Variants in TYR observed in about 807,000 individuals in gnomAD.
TYR encodes the protein tyrosinase.
A neutral mutation model predicts 51.5 loss-of-function variants in TYR; 58 were observed. The ratio of observed to expected loss-of-function variants is 1.13; its 90% CI spans 0.91 to 1.40. The LOEUF (loss-of-function observed/expected upper bound fraction) is 1.40. Among genes scored for constraint, TYR ranks in the 40% most tolerant of loss-of-function variants. The pLI, the probability that TYR is intolerant of heterozygous loss-of-function variation, is 0.00. For missense variants in TYR, 732 were observed against 647.4 expected, an observed-to-expected ratio of 1.13 and a Z score of -1.42; for synonymous variants, 263 against 235.2, an observed-to-expected ratio of 1.12 and a Z score of -1.08.
intron 2 of TYR, among the ~76,000 whole-genome samples, chr11:89,208,529 T>A: frequency 6.6e-6 from 1 of 152,312 alleles, no homozygotes; most frequent in Non-Finnish European, 1.5e-5. Flanking sequence ...ATATATATTT[T>A]ATTCTAAATT....
chr11:89,191,685 A>G (rs1043487920), intron 2 of TYR, among the ~76,000 whole-genome samples: 11 of 152,248 alleles, frequency 7.2e-5, no homozygotes, highest in Admixed American at 4.6e-4. Context: ...ACTTGAACTC[A>G]GAAGTTTCAG....
intron 3 of TYR, among the ~76,000 whole-genome samples, chr11:89,283,021 G>A (rs1944737322): frequency 6.6e-6 from 1 of 151,768 alleles, no homozygotes; most frequent in Non-Finnish European, 1.5e-5. Context: ...GTAGAATAAA[G>A]AAGATCAAAC....
chr11:89,257,022 T>TG (rs1359990250), intron 3 of TYR, among the ~76,000 whole-genome samples: 1 of 151,928 alleles, frequency 6.6e-6, no homozygotes, highest in Non-Finnish European at 1.5e-5. Flanking sequence ...TGCTGATTCT[T>TG]GGTGTGCTGA....
chr11:89,216,647 C>CAAAAAA (rs11411684), intron 2 of TYR, among the ~76,000 whole-genome samples: 820 of 80,744 alleles, frequency 0.01, 22 homozygotes, highest in African/African-American at 0.035. Flanking sequence ...TTTTCCATCT[C>CAAAAAA]AAAAAAAAAA....
chr11:89,208,711 T>C (rs1045009405), intron 2 of TYR, among the ~76,000 whole-genome samples: 17 of 152,198 alleles, frequency 1.1e-4, no homozygotes, highest in Admixed American at 9.8e-4. Context: ...CACTAACATA[T>C]ACCCAAATCC....
At chr11:89,272,740 G>C (rs1271230407) in intron 3 of TYR, among the ~76,000 whole-genome samples, 1 of 151,880 alleles carries the variant, frequency 6.6e-6, no homozygotes, top group African/African-American at 2.4e-5. Context: ...TTAGTGTAAT[G>C]GCTTTCATCT....
chr11:89,229,245 G>A (rs1200472541), intron 3 of TYR, among the ~76,000 whole-genome samples: 1 of 151,974 alleles, frequency 6.6e-6, no homozygotes, highest in Non-Finnish European at 1.5e-5. Flanking sequence ...TTAAGTAACA[G>A]TCTGTGTTAA....
intron 3 of TYR, among the ~76,000 whole-genome samples, chr11:89,229,583 A>G (rs527562899): frequency 9.9e-5 from 15 of 152,104 alleles, no homozygotes; most frequent in African/African-American, 2.7e-4. Flanking sequence ...AAGAAAAACT[A>G]TCAAAATATG....
At chr11:89,286,608 G>A (rs1944790497) in intron 4 of TYR, among the ~76,000 whole-genome samples, 1 of 151,766 alleles carries the variant, frequency 6.6e-6, no homozygotes, top group East Asian at 1.9e-4. Flanking sequence ...AGAGGCTATA[G>A]GTCATCAACC....
At chr11:89,241,938 T>A (rs1229571653) in intron 3 of TYR, among the ~76,000 whole-genome samples, 1 of 150,894 alleles carries the variant, frequency 6.6e-6, no homozygotes, top group African/African-American at 2.4e-5. Context: ...AAAAAATAAT[T>A]CACTTTTCTT....
At chr11:89,249,096 G>C (rs1321808374) in intron 3 of TYR, among the ~76,000 whole-genome samples, 1 of 151,958 alleles carries the variant, frequency 6.6e-6, no homozygotes, top group Admixed American at 6.6e-5. Flanking sequence ...GTCTTTTTAG[G>C]ATAGGGCAAA....
chr11:89,247,447 AC>A (rs1399040645), intron 3 of TYR, among the ~76,000 whole-genome samples: 1 of 152,232 alleles, frequency 6.6e-6, no homozygotes. Context: ...AGTGATGAAG[AC>A]ATCATGTACT....
At chr11:89,207,742 A>T (rs898340821) in intron 2 of TYR, among the ~76,000 whole-genome samples, 2 of 152,218 alleles carry the variant, frequency 1.3e-5, no homozygotes, top group African/African-American at 4.8e-5. Flanking sequence ...GCATATAAAA[A>T]GAATTTTATG....
At chr11:89,241,354 C>A (rs1276442027) in intron 3 of TYR, among the ~76,000 whole-genome samples, 1 of 152,136 alleles carries the variant, frequency 6.6e-6, no homozygotes, top group Admixed American at 6.6e-5. Flanking sequence ...CTGTACTCTG[C>A]TTACTTGCCT....
intron 3 of TYR, among the ~76,000 whole-genome samples, chr11:89,277,697 T>C (rs1331810370): frequency 7.3e-5 from 11 of 151,710 alleles, no homozygotes; most frequent in Non-Finnish European, 5.9e-5. Context: ...ACAAACACTT[T>C]GCTCAGTAGC....
At chr11:89,288,556 A>G (rs1944820143) in intron 4 of TYR, among the ~76,000 whole-genome samples, 2 of 152,050 alleles carry the variant, frequency 1.3e-5, no homozygotes, top group Admixed American at 1.3e-4. Flanking sequence ...TTAAATTTAA[A>G]GAAACAATTT....
At chr11:89,236,839 C>A (rs1459386812) in intron 3 of TYR, among the ~76,000 whole-genome samples, 3 of 152,150 alleles carry the variant, frequency 2.0e-5, no homozygotes, top group Admixed American at 2.0e-4. Flanking sequence ...TGTACACAAA[C>A]TTCAAGACTA....
At chr11:89,245,677 C>T (rs1413960526) in intron 3 of TYR, among the ~76,000 whole-genome samples, 1 of 152,134 alleles carries the variant, frequency 6.6e-6, no homozygotes, top group African/African-American at 2.4e-5. Context: ...AATCCCAGCA[C>T]TTTGGGAGGC....
In TYR at chr11:89,178,025, T is replaced by G; in HGVS notation, c.72T>G (p.Cys24Trp). 1 of 1,614,208 alleles carries G rather than the reference T, an allele frequency of 6.2e-7. No homozygotes were observed. The highest frequency in any genetic ancestry group is 8.5e-7 in the Non-Finnish European group (1 of 1,180,026). The change falls in exon 1 of 5, where the codon TGT becomes TGG. Residue 24 changes from cysteine (C) to tryptophan (W), a missense_variant. Transcript: ENST00000263321. ...QTSAGHFPRA[C>W]VSSKNLMEKE... is the part of the protein sequence containing the mutation. ...CCGCTGGCCATTTCCCTAGAGCCTG[T>G]GTCTCCTCTAAGAACCTGATGGAGA... is the stretch of plus-strand genomic sequence containing the variant.
Sources: allele counts gnomAD v4.1 joint callset (sites outside exome capture counted in the v4.1 genomes callset), GRCh38; gene constraint gnomAD v4.1.1; transcripts MANE v1.5; gene names NCBI Gene and HGNC (gene_info 2026-07-23, HGNC 2026-07-21).